The following FHIP2A variants were observed in gnomAD, a reference collection of about 807,000 sequenced individuals.
The protein encoded by FHIP2A is family with sequence similarity 160 member B1.
FHIP2A carries 46 observed loss-of-function variants against 93.5 expected under a neutral mutation model. That is an observed-to-expected ratio of 0.49 (90% CI 0.39 to 0.63). The LOEUF is 0.63. FHIP2A is among the 20% of genes least tolerant of loss of function. FHIP2A has a pLI of 0.00. For missense variants in FHIP2A, 769 were observed against 909.7 expected (o/e 0.85, Z 1.99); for synonymous variants, 332 against 326.5 (o/e 1.02, Z -0.18).
chr10:114,839,881 C>CAAAAAA (rs10612399), intron 5 of FHIP2A, among the ~76,000 whole-genome samples: 24 of 95,500 alleles, frequency 2.5e-4, no homozygotes, highest in East Asian at 6.9e-4. Flanking sequence ...GACTCTGTCT[C>CAAAAAA]AAAAAAAAAA....
At chr10:114,839,563 A>G (rs1259724270) in intron 5 of FHIP2A, among the ~76,000 whole-genome samples, 1 of 152,132 alleles carries the variant, frequency 6.6e-6, no homozygotes, top group African/African-American at 2.4e-5. Context: ...TTGGTTAAAT[A>G]TATATGGTAG....
At chr10:114,852,811 C>G (rs953133229) in intron 13 of FHIP2A, among the ~76,000 whole-genome samples, 2 of 152,144 alleles carry the variant, frequency 1.3e-5, no homozygotes, top group Non-Finnish European at 2.9e-5. Context: ...AATTTTCCAG[C>G]CTGCTTTTCT....
In FHIP2A at chr10:114,873,342, G is replaced by A. The variant is rs138178654; in HGVS notation, c.2192+12008G>A. On this transcript the variant is annotated intron_variant, in intron 16 of 16. Coordinates refer to the FHIP2A transcript ENST00000369250. ...GAGGAGGAATACAGAGATAAAGTGT[G>A]ATTTTAGTCATATCTTATCAAGAGT... Among the ~76,000 whole-genome samples, 315 of 152,268 alleles carry A rather than the reference G, an allele frequency of 2.1e-3. 1 individual carries two copies. The highest frequency in any genetic ancestry group is 7.2e-3 in the African/African-American group (300 of 41,550).
At chr10:114,825,052 C>CT (rs1193000194) in intron 1 of FHIP2A, among the ~76,000 whole-genome samples, 1 of 152,200 alleles carries the variant, frequency 6.6e-6, no homozygotes, top group Non-Finnish European at 1.5e-5. Context: ...GACAGGGTCT[C>CT]TGTCACCCAG....
At chr10:114,823,042 A>T (rs1272467044) in intron 1 of FHIP2A, among the ~76,000 whole-genome samples, 2 of 152,238 alleles carry the variant, frequency 1.3e-5, no homozygotes, top group Non-Finnish European at 2.9e-5. Flanking sequence ...TGAAAAATGC[A>T]TTCTGTGCAG....
chr10:114,839,913 G>A (rs1267938632), intron 5 of FHIP2A, among the ~76,000 whole-genome samples: 2 of 150,298 alleles, frequency 1.3e-5, no homozygotes, highest in African/African-American at 2.4e-5. Context: ...AAAAGAAACA[G>A]TCTTTGTCCT....
At chr10:114,830,803 A>G (rs1212941760) in intron 1 of FHIP2A, 49 bp from the exon 2 acceptor site, 7 of 1,305,292 alleles carry the variant, frequency 5.4e-6, no homozygotes, top group African/African-American at 1.5e-5. Flanking sequence ...AAGTTATGGG[A>G]AATTTTCAAT....
At chr10:114,883,668 G>A (rs1407655951) in intron 16 of FHIP2A, among the ~76,000 whole-genome samples, 4 of 152,044 alleles carry the variant, frequency 2.6e-5, no homozygotes, top group African/African-American at 7.2e-5. Flanking sequence ...TGCAACCTCC[G>A]CCTCCCAGGT....
At chr10:114,886,106 G>A (rs189891792) in intron 16 of FHIP2A, among the ~76,000 whole-genome samples, 2 of 152,308 alleles carry the variant, frequency 1.3e-5, no homozygotes, top group African/African-American at 4.8e-5. Flanking sequence ...AGTAACAGGA[G>A]GAGGAGGAGG....
intron 7 of FHIP2A, among the ~76,000 whole-genome samples, chr10:114,844,775 T>A (rs1332416879): frequency 6.6e-6 from 1 of 152,098 alleles, no homozygotes; most frequent in Admixed American, 6.5e-5. Context: ...GCAGCTCCAC[T>A]GTTTTTTTGT....
At chr10:114,865,692 A>G (rs1183626898), downstream of FHIP2A, among the ~76,000 whole-genome samples, 1 of 152,170 alleles carries the variant, frequency 6.6e-6, no homozygotes, top group Non-Finnish European at 1.5e-5. Flanking sequence ...TTAAGAATTT[A>G]GCAGTGTTTT....
rs191238191 is a variant in FHIP2A at position 114,864,586 on chromosome 10, C to G, written c.*3046C>G. The G allele has an allele frequency of 1.7e-5, 17 of 985,816 alleles. 1 individual carries two copies. In the East Asian group the frequency reaches 1.5e-3, roughly 86 times the overall value. The allele number at this position is 985,816 out of a possible 1,614,324, so 61.1% of individuals were successfully genotyped here. A position where few individuals can be genotyped will look rare whatever the true frequency, so the allele number is the denominator to read the frequency against. The stretch of plus-strand genomic sequence containing the variant: ...AATTCTTGGTCCCTCCGTGGAGAAA[C>G]TCTTCAGATGGTCATTGTGTACCTA... On this transcript the variant is annotated 3_prime_UTR_variant, in exon 17 of 17. Coordinates refer to ENST00000369248, the MANE Select transcript of FHIP2A (RefSeq NM_020940.4).
At chr10:114,873,565 G>A (rs1224620659) in intron 16 of FHIP2A, among the ~76,000 whole-genome samples, 1 of 152,070 alleles carries the variant, frequency 6.6e-6, no homozygotes, top group African/African-American at 2.4e-5. Context: ...GCAAAAAACT[G>A]TTTGGAATTA....
chr10:114,861,254 A>T lies in FHIP2A; in HGVS notation c.2112A>T (p.Arg704=), dbSNP rs1283391391. 1.2e-6 allele frequency: 2 copies of T among 1,614,058 alleles called. No homozygotes were observed. The highest frequency in any genetic ancestry group is 2.7e-5 in the African/African-American group (2 of 74,916). ...AGGTTGTTGGAGACCTTATGCTTCGAATCCAGCGTATTCAAGACTTTACTC... is the reference window on the plus strand; with the variant it reads ...AGGTTGTTGGAGACCTTATGCTTCGTATCCAGCGTATTCAAGACTTTACTC... ...IVRVVGDLML[R]IQRIQDFTPK... Residue 704 remains arginine (R), a synonymous_variant, in exon 16 of 17, where the codon CGA becomes CGT. Transcript: ENST00000369248.
At chr10:114,831,428 A>G (rs571177815) in intron 2 of FHIP2A, among the ~76,000 whole-genome samples, 76 of 152,264 alleles carry the variant, frequency 5.0e-4, no homozygotes, top group African/African-American at 1.7e-3. Context: ...CGGGAATGAG[A>G]CCTAATTCAC....
At chr10:114,835,986 A>G in intron 4 of FHIP2A, 138 bp from the exon 5 acceptor site, 2 of 551,312 alleles carry the variant, frequency 3.6e-6, no homozygotes, top group Non-Finnish European at 5.9e-6. Flanking sequence ...AATTATAAAT[A>G]TCATTAGTGT....
chr10:114,871,604 A>G (rs2083860586), intron 16 of FHIP2A, among the ~76,000 whole-genome samples: 2 of 152,190 alleles, frequency 1.3e-5, no homozygotes, highest in South Asian at 4.1e-4. Context: ...TTCCCTCTGC[A>G]GAAACCTCTA....
chr10:114,838,126 C>T (rs1266880325), intron 5 of FHIP2A, among the ~76,000 whole-genome samples: 20 of 152,200 alleles, frequency 1.3e-4, no homozygotes. Flanking sequence ...TGCATCCCAT[C>T]AACAGTGTAC....
chr10:114,854,162 ATCTGTCACAG>A (rs1299650026), intron 13 of FHIP2A, among the ~76,000 whole-genome samples: 1 of 148,066 alleles, frequency 6.8e-6, no homozygotes, highest in Non-Finnish European at 1.5e-5. Flanking sequence ...TTTATTTCCA[ATCTGTCACAG>A]ACCAACACTT....
Sources: allele counts gnomAD v4.1 joint callset (sites outside exome capture counted in the v4.1 genomes callset), GRCh38; gene constraint gnomAD v4.1.1; transcripts MANE v1.5; gene names NCBI Gene and HGNC (gene_info 2026-07-23, HGNC 2026-07-21).